The following GRIK2 variants were observed in gnomAD, a reference collection of about 807,000 sequenced individuals.
The protein encoded by GRIK2 is glutamate receptor ionotropic, kainate 2.
Under a neutral mutation model 100.3 loss-of-function variants are expected in GRIK2, and 32 were observed. That is an observed-to-expected ratio of 0.32 (90% CI 0.24 to 0.43). GRIK2 has a LOEUF of 0.43. Among genes scored for constraint, GRIK2 ranks in the 20% least tolerant of loss-of-function variants. The pLI is 1.00. For synonymous variants in GRIK2, 417 were observed against 389.4 expected, an observed-to-expected ratio of 1.07 and a Z score of -0.83; for missense variants, 843 against 1,114.9, an observed-to-expected ratio of 0.76 and a Z score of 3.47.
intron 14 of GRIK2, among the ~76,000 whole-genome samples, chr6:101,937,346 AG>A (rs1458770991): frequency 6.6e-6 from 1 of 152,116 alleles, no homozygotes; most frequent in Non-Finnish European, 1.5e-5. Context: ...CCAACTCATC[AG>A]TCTTAGGAGA....
chr6:101,880,127 A>G (rs1786144469), intron 11 of GRIK2, among the ~76,000 whole-genome samples: 1 of 152,014 alleles, frequency 6.6e-6, no homozygotes, highest in Non-Finnish European at 1.5e-5. Context: ...AGTGGGCAGA[A>G]CTCAAGGCTA....
At chr6:101,584,137 G>A (rs1032419767) in intron 2 of GRIK2, among the ~76,000 whole-genome samples, 1 of 151,954 alleles carries the variant, frequency 6.6e-6, no homozygotes, top group Non-Finnish European at 1.5e-5. Flanking sequence ...ATTTTGAAAT[G>A]AATTTGTATT....
intron 14 of GRIK2, among the ~76,000 whole-genome samples, chr6:101,955,118 A>G (rs1012413526): frequency 1.3e-4 from 19 of 151,892 alleles, no homozygotes; most frequent in African/African-American, 4.6e-4. Flanking sequence ...TTGTTGATAC[A>G]TTTTGCATCT....
At chr6:101,477,254 T>A (rs1168145956) in intron 2 of GRIK2, among the ~76,000 whole-genome samples, 1 of 152,086 alleles carries the variant, frequency 6.6e-6, no homozygotes, top group African/African-American at 2.4e-5. Context: ...AATGTTTAAG[T>A]ATCACTCATA....
rs1347739975 is a variant in GRIK2 at position 101,784,921 on chromosome 6, A to C, written c.952-14727A>C. On this transcript the variant is annotated intron_variant, in intron 7 of 16. Coordinates refer to ENST00000369134, the MANE Select transcript of GRIK2 (RefSeq NM_021956.5). ...AAAACAGACTAATACACTCAGCAGC[A>C]GTGTATAAGAGTTCCTTTTTCTCCA... is the stretch of plus-strand genomic sequence containing the variant. 1.3e-5 allele frequency among the ~76,000 whole-genome samples: 2 copies of C among 152,170 alleles called. 1 individual carries two copies. Among genetic ancestry groups the C allele is most frequent in the Non-Finnish European group, 2.9e-5 (2 of 68,026 alleles).
intron 16 of GRIK2, chr6:102,064,055 A>G (rs1771882319): frequency 8.3e-7 from 1 of 1,199,830 alleles, no homozygotes; most frequent in Non-Finnish European, 1.2e-6. Context: ...AATGGTTAGT[A>G]TCCTTGTGCC....
intron 2 of GRIK2, among the ~76,000 whole-genome samples, chr6:101,444,068 T>TG (rs1562142115): frequency 0.013 from 1,764 of 138,968 alleles, 18 homozygotes; most frequent in Admixed American, 0.018. Context: ...TTTCCGGGTT[T>TG]TTTTGTTTGT....
intron 2 of GRIK2, among the ~76,000 whole-genome samples, chr6:101,426,415 A>G (rs1776701243): frequency 6.6e-6 from 1 of 152,152 alleles, no homozygotes; most frequent in South Asian, 2.1e-4. Flanking sequence ...TGAACACTAG[A>G]ACTTATTTCT....
At chr6:101,912,847 C>A (rs1016795101) in intron 12 of GRIK2, among the ~76,000 whole-genome samples, 1 of 151,432 alleles carries the variant, frequency 6.6e-6, no homozygotes, top group Admixed American at 6.6e-5. Context: ...TTTTAGATCC[C>A]ACCACTCATT....
intron 3 of GRIK2, among the ~76,000 whole-genome samples, chr6:101,622,873 G>A (rs969402067): frequency 1.3e-5 from 2 of 151,972 alleles, no homozygotes; most frequent in Admixed American, 1.3e-4. Flanking sequence ...CCAGACAGCT[G>A]TCAGTAGTAA....
At chr6:101,764,952 C>A (rs1777951651) in intron 7 of GRIK2, among the ~76,000 whole-genome samples, 1 of 152,086 alleles carries the variant, frequency 6.6e-6, no homozygotes, top group South Asian at 2.1e-4. Context: ...TTATTACCTT[C>A]TCCAGCCTCA....
intron 2 of GRIK2, among the ~76,000 whole-genome samples, chr6:101,592,240 C>G (rs1778683349): frequency 6.6e-6 from 1 of 151,710 alleles, no homozygotes; most frequent in Non-Finnish European, 1.5e-5. Context: ...AAAGAAATGA[C>G]TAATATAATT....
At chr6:101,443,422 A>G (rs939532954) in intron 2 of GRIK2, among the ~76,000 whole-genome samples, 1 of 152,172 alleles carries the variant, frequency 6.6e-6, no homozygotes, top group African/African-American at 2.4e-5. Context: ...TGATAGAAAA[A>G]GCAGAATACA....
At chr6:102,025,780 A>G (rs1769663604) in intron 14 of GRIK2, among the ~76,000 whole-genome samples, 2 of 151,238 alleles carry the variant, frequency 1.3e-5, no homozygotes, top group Admixed American at 1.3e-4. Flanking sequence ...CTACGCACAC[A>G]CAGTGCGTGG....
In GRIK2 at chr6:101,697,206, C is replaced by A. The variant is rs543966128; in HGVS notation, c.951+10853C>A. 3.3e-5 allele frequency among the ~76,000 whole-genome samples: 5 copies of A among 152,076 alleles called. No homozygotes were observed. In the East Asian group the frequency reaches 9.7e-4, roughly 29 times the overall value. Reference sequence around the variant, plus strand: ...TTATAATTATGAGTTATATTATTGCCTCCTCTTAAAGGCCCTGTGACTTAT... The same window carrying A: ...TTATAATTATGAGTTATATTATTGCATCCTCTTAAAGGCCCTGTGACTTAT... On this transcript the variant is annotated intron_variant, in intron 7 of 16. Transcript: ENST00000369134.
chr6:101,872,061 T>C (rs541398210), intron 11 of GRIK2, among the ~76,000 whole-genome samples: 1 of 152,046 alleles, frequency 6.6e-6, no homozygotes, highest in African/African-American at 2.4e-5. Flanking sequence ...TGTTGACTTT[T>C]TAACAATGGC....
At chr6:101,587,445 TTACC>T (rs1167284822) in intron 2 of GRIK2, among the ~76,000 whole-genome samples, 2 of 152,080 alleles carry the variant, frequency 1.3e-5, no homozygotes, top group Non-Finnish European at 2.9e-5. Flanking sequence ...TCCTACCTAC[TTACC>T]TACCTACCTA....
chr6:101,738,032 T>C (rs966329314), intron 7 of GRIK2, among the ~76,000 whole-genome samples: 21 of 152,178 alleles, frequency 1.4e-4, no homozygotes, highest in Non-Finnish European at 2.8e-4. Flanking sequence ...ATGTCTTCTT[T>C]TTTTTCTTAG....
In GRIK2 at chr6:101,626,654, T is replaced by C; in HGVS notation, c.541+17T>C. Reference sequence around the variant, plus strand: ...ACAGCACTGGTAAGAAAAATCAGTATCTTTTGGAGCTATGCTTTAAATATA... The same window carrying C: ...ACAGCACTGGTAAGAAAAATCAGTACCTTTTGGAGCTATGCTTTAAATATA... On this transcript the variant is annotated intron_variant, in intron 4 of 16. Transcript: ENST00000369134. 1 of 1,608,172 alleles carries C rather than the reference T, an allele frequency of 6.2e-7. No individual in the cohort carries two copies. The highest frequency in any genetic ancestry group is 8.5e-7 in the Non-Finnish European group (1 of 1,175,338).
Sources: allele counts gnomAD v4.1 joint callset (sites outside exome capture counted in the v4.1 genomes callset), GRCh38; gene constraint gnomAD v4.1.1; transcripts MANE v1.5; gene names NCBI Gene and HGNC (gene_info 2026-07-23, HGNC 2026-07-21).